Variants in PRKN observed in about 807,000 individuals in gnomAD.
PRKN encodes E3 ubiquitin-protein ligase parkin.
PRKN carries 56 observed loss-of-function variants against 59.5 expected under a neutral mutation model. The ratio of observed to expected loss-of-function variants is 0.94; its 90% CI spans 0.76 to 1.18. The LOEUF (loss-of-function observed/expected upper bound fraction) is 1.18. Ranked by LOEUF, PRKN falls within the 50% of genes most tolerant of loss-of-function variation. The pLI is 0.00. For synonymous variants in PRKN, 250 were observed against 222.1 expected, an observed-to-expected ratio of 1.13 and a Z score of -1.12; for missense variants, 657 against 596.4, an observed-to-expected ratio of 1.10 and a Z score of -1.06.
intron 5 of PRKN, among the ~76,000 whole-genome samples, chr6:162,017,922 T>A (rs1472951814): frequency 1.3e-5 from 2 of 152,198 alleles, no homozygotes; most frequent in Non-Finnish European, 2.9e-5. Flanking sequence ...GTTGTTCCTA[T>A]GTGTCTTGCT....
chr6:162,527,641 AAAC>A (rs1778342379), intron 1 of PRKN, among the ~76,000 whole-genome samples: 1 of 152,192 alleles, frequency 6.6e-6, no homozygotes, highest in African/African-American at 2.4e-5. Flanking sequence ...ATCGAATAAA[AAAC>A]AAATCTGCTA....
chr6:161,659,739 C>T (rs749725792), intron 7 of PRKN, among the ~76,000 whole-genome samples: 5 of 150,640 alleles, frequency 3.3e-5, no homozygotes, highest in Non-Finnish European at 5.9e-5. Flanking sequence ...CTCGGCTTGT[C>T]GTCACTGGCT....
At chr6:162,498,393 CTTT>C (rs60024002) in intron 1 of PRKN, among the ~76,000 whole-genome samples, 10 of 21,564 alleles carry the variant, frequency 4.6e-4, no homozygotes, top group African/African-American at 1.1e-3. Flanking sequence ...TCTTTCTTTC[CTTT>C]TTTTTTTTTT....
At chr6:161,972,753 C>A (rs779472743) in intron 6 of PRKN, among the ~76,000 whole-genome samples, 3 of 152,012 alleles carry the variant, frequency 2.0e-5, no homozygotes, top group African/African-American at 7.3e-5. Context: ...CATTCCTGGC[C>A]GGGTGCAGTG....
At chr6:161,696,988 G>C (rs1439497245) in intron 7 of PRKN, among the ~76,000 whole-genome samples, 1 of 152,124 alleles carries the variant, frequency 6.6e-6, no homozygotes, top group African/African-American at 2.4e-5. Flanking sequence ...CATGCACAGA[G>C]CCAGTATTCA....
chr6:161,924,262 T>C (rs1778886526), intron 6 of PRKN, among the ~76,000 whole-genome samples: 1 of 152,156 alleles, frequency 6.6e-6, no homozygotes, highest in Admixed American at 6.5e-5. Context: ...TCGGGCCTCA[T>C]CTTTAACCTC....
chr6:161,844,462 C>T lies in PRKN; in HGVS notation c.735-58554G>A, dbSNP rs1205390973. 5.3e-5 allele frequency among the ~76,000 whole-genome samples: 8 copies of T among 152,170 alleles called. No homozygotes were observed. The East Asian group carries it at 1.2e-3, about 22-fold the overall frequency. On this transcript the variant is annotated intron_variant, in intron 6 of 11. Transcript: ENST00000366898. ...AAAGGCCATGGTCAGGGTCTCTCTA[C>T]GGAGCTGGACGGTTGGACTTTCTGC...
At chr6:162,237,674 A>C (rs892071654) in intron 3 of PRKN, among the ~76,000 whole-genome samples, 15 of 152,190 alleles carry the variant, frequency 9.9e-5, no homozygotes, top group Non-Finnish European at 1.9e-4. Context: ...ACATTTTAGC[A>C]ATAAGCAAGC....
At chr6:161,750,132 C>G (rs1159815074) in intron 7 of PRKN, among the ~76,000 whole-genome samples, 1 of 139,042 alleles carries the variant, frequency 7.2e-6, no homozygotes, top group Non-Finnish European at 1.5e-5. Context: ...CACACACACA[C>G]ACACACACAC....
intron 2 of PRKN, among the ~76,000 whole-genome samples, chr6:162,423,342 T>G (rs1419994423): frequency 1.3e-5 from 2 of 152,184 alleles, no homozygotes; most frequent in Admixed American, 6.5e-5. Context: ...GAAATTATAC[T>G]AGGAAATTCC....
intron 9 of PRKN, among the ~76,000 whole-genome samples, chr6:161,537,538 G>GCA: frequency 6.7e-6 from 1 of 149,888 alleles, no homozygotes; most frequent in Non-Finnish European, 1.5e-5. Flanking sequence ...TGCAAGCTCT[G>GCA]CCTCCCAGGT....
chr6:161,848,521 C>T (rs918930769), intron 6 of PRKN, among the ~76,000 whole-genome samples: 4 of 152,098 alleles, frequency 2.6e-5, no homozygotes, highest in Admixed American at 6.5e-5. Flanking sequence ...CATCTGATTT[C>T]GTTTGATAAA....
chr6:161,821,142 AT>A (rs749336719), intron 6 of PRKN, among the ~76,000 whole-genome samples: 5 of 152,134 alleles, frequency 3.3e-5, no homozygotes, highest in Non-Finnish European at 5.9e-5. Context: ...AAAAATACTA[AT>A]TATATAAAGC....
chr6:161,468,424 A>C lies in PRKN; in HGVS notation c.1083+80430T>G, dbSNP rs981962417. ...AGCCTTGAAAAGTCAACCATAATAA[A>C]TGTCAAATCCTACAGAGTATCCTTT... is the stretch of plus-strand genomic sequence containing the variant. On this transcript the variant is annotated intron_variant, in intron 9 of 11. Transcript: ENST00000366898. The surrounding 1 kb of genome is among the most constrained non-coding windows in gnomAD (Gnocchi z 5.9). Among the ~76,000 whole-genome samples, 1 of 152,172 alleles carries C rather than the reference A, an allele frequency of 6.6e-6. No homozygotes were observed. Among genetic ancestry groups the C allele is most frequent in the Admixed American group, 6.5e-5 (1 of 15,282 alleles).
chr6:161,597,852 A>C, intron 7 of PRKN, among the ~76,000 whole-genome samples: 1 of 151,880 alleles, frequency 6.6e-6, no homozygotes, highest in East Asian at 1.9e-4. Context: ...ACACACACAC[A>C]CACACATATT....
At chr6:161,489,485 G>A (rs1298379690) in intron 9 of PRKN, among the ~76,000 whole-genome samples, 4 of 152,252 alleles carry the variant, frequency 2.6e-5, no homozygotes, top group East Asian at 1.9e-4. Flanking sequence ...CTTGAACTCC[G>A]GAGGGCAGAG....
At chr6:161,696,544 T>C (rs540097062) in intron 7 of PRKN, among the ~76,000 whole-genome samples, 2 of 152,318 alleles carry the variant, frequency 1.3e-5, no homozygotes, top group East Asian at 1.9e-4. Flanking sequence ...AGGCTATTGG[T>C]AATAACATAT....
At chr6:162,373,831 A>C (rs1303032052) in intron 2 of PRKN, among the ~76,000 whole-genome samples, 1 of 152,196 alleles carries the variant, frequency 6.6e-6, no homozygotes, top group East Asian at 1.9e-4. Context: ...TGAATCACAT[A>C]GCCCTCAAAC....
intron 6 of PRKN, among the ~76,000 whole-genome samples, chr6:161,805,282 G>A (rs1406232748): frequency 6.6e-6 from 1 of 152,050 alleles, no homozygotes; most frequent in Admixed American, 6.6e-5. Context: ...ATGTTTACTC[G>A]ATGCTTATTT....
Sources: allele counts gnomAD v4.1 joint callset (sites outside exome capture counted in the v4.1 genomes callset), GRCh38; gene constraint gnomAD v4.1.1; non-coding constraint Gnocchi (gnomAD v3.1); transcripts MANE v1.5; gene names NCBI Gene and HGNC (gene_info 2026-07-23, HGNC 2026-07-21).